Variants in UNC13C observed in about 807,000 individuals in gnomAD.
UNC13C encodes the protein unc-13 homolog C, also known as protein unc-13 homolog C.
Under a neutral mutation model 245.4 loss-of-function variants are expected in UNC13C, and 174 were observed. That is an observed-to-expected ratio of 0.71 (90% confidence interval 0.63 to 0.80). The LOEUF (loss-of-function observed/expected upper bound fraction) is 0.80, where lower values mean the gene tolerates loss of function less well. Ranked by LOEUF, UNC13C falls within the 30% of genes least tolerant of loss-of-function variation. The pLI is 0.00. For missense variants in UNC13C, 2,829 were observed against 2,602.9 expected (o/e 1.09, Z -1.89); for synonymous variants, 992 against 895.1 (o/e 1.11, Z -1.93).
chr15:54,582,345 C>T (rs1228942791), intron 30 of UNC13C, among the ~76,000 whole-genome samples: 2 of 152,046 alleles, frequency 1.3e-5, no homozygotes, highest in Admixed American at 6.6e-5. Context: ...GGCACAAATT[C>T]AGTTTTATTT....
chr15:54,621,298 C>T (rs117887261), intron 30 of UNC13C, among the ~76,000 whole-genome samples: 124 of 152,162 alleles, frequency 8.1e-4, no homozygotes, highest in African/African-American at 2.0e-3. Context: ...GAAATTAAAA[C>T]GCCACATAAC....
the UNC13C span, among the ~76,000 whole-genome samples, chr15:53,920,048 G>A: frequency 0.21 from 32,446 of 151,484 alleles, 4,591 homozygotes; most frequent in East Asian, 0.48. Flanking sequence ...TTTTGTCCTT[G>A]TTAGCCTAAT....
intron 2 of UNC13C, among the ~76,000 whole-genome samples, chr15:54,064,496 C>T (rs573426530): frequency 6.6e-6 from 1 of 152,324 alleles, no homozygotes; most frequent in East Asian, 1.9e-4. Context: ...TGCACAGTTT[C>T]ATTCAATATG....
chr15:53,901,802 A>C, the UNC13C span, among the ~76,000 whole-genome samples: 3 of 152,182 alleles, frequency 2.0e-5, no homozygotes, highest in African/African-American at 7.2e-5. Flanking sequence ...CACCCAAGAC[A>C]TTTGGATATT....
At chr15:53,870,744 TTATTTTACCAATA>T in the UNC13C span, among the ~76,000 whole-genome samples, 1 of 152,182 alleles carries the variant, frequency 6.6e-6, no homozygotes, top group Non-Finnish European at 1.5e-5. Flanking sequence ...ATCCTGATTT[TTATTTTACCAATA>T]AGTAAGCCAA....
At chr15:53,968,044 G>A in the UNC13C span, 1 of 152,086 alleles carries the variant, frequency 6.6e-6, no homozygotes, top group African/African-American at 2.4e-5. Flanking sequence ...GAATGTCTCT[G>A]ATGGTAAAGA....
Position 54,322,088 on chromosome 15 carries a change from A to C in UNC13C, c.4418A>C (p.Asn1473Thr). Reference sequence around the variant, plus strand: ...GCCTCAGATCGATTTGCTGCTACCAACTTTGGTGTAAGTATAATTTTTTAA... The same window carrying C: ...GCCTCAGATCGATTTGCTGCTACCACCTTTGGTGTAAGTATAATTTTTTAA... ...VSASDRFAAT[N>T]FGREKFIKLL... The change falls in exon 14 of 33, where the codon AAC becomes ACC. Residue 1473 changes from asparagine to threonine, a missense_variant. Asn to Thr is a moderately conservative substitution (Grantham distance 65, BLOSUM62 0). Coordinates refer to ENST00000260323, the MANE Select transcript of UNC13C (RefSeq NM_001080534.3). 6.4e-7 allele frequency: 1 copy of C among 1,566,874 alleles called. No homozygotes were observed. Among genetic ancestry groups the C allele is most frequent in the Non-Finnish European group, 8.6e-7 (1 of 1,157,058 alleles).
At chr15:54,563,075 T>C (rs1384333604) in intron 29 of UNC13C, among the ~76,000 whole-genome samples, 1 of 152,054 alleles carries the variant, frequency 6.6e-6, no homozygotes, top group African/African-American at 2.4e-5. Flanking sequence ...TATTCTGTAC[T>C]TTGTGGTAAA....
At chr15:54,019,207 G>A (rs538341970) in intron 2 of UNC13C, among the ~76,000 whole-genome samples, 24 of 152,274 alleles carry the variant, frequency 1.6e-4, no homozygotes, top group African/African-American at 5.8e-4. Context: ...ATAAGTGGTG[G>A]ATCCAGAATT....
intron 30 of UNC13C, among the ~76,000 whole-genome samples, chr15:54,619,979 C>T (rs978454784): frequency 2.6e-5 from 4 of 152,104 alleles, no homozygotes; most frequent in Non-Finnish European, 5.9e-5. Context: ...CAATGATAAT[C>T]AATACTTTCT....
intron 2 of UNC13C, among the ~76,000 whole-genome samples, chr15:54,102,292 C>A (rs1900205113): frequency 6.6e-6 from 1 of 152,016 alleles, no homozygotes; most frequent in African/African-American, 2.4e-5. Flanking sequence ...CACAGTCTAG[C>A]CTGAGAATGT....
intron 12 of UNC13C, among the ~76,000 whole-genome samples, chr15:54,298,309 G>A (rs1227540768): frequency 6.6e-6 from 1 of 152,188 alleles, no homozygotes; most frequent in Non-Finnish European, 1.5e-5. Flanking sequence ...TATTGCAGGA[G>A]AGGATCAAAT....
At chr15:54,300,912 A>G in intron 13 of UNC13C, among the ~76,000 whole-genome samples, 1 of 152,184 alleles carries the variant, frequency 6.6e-6, no homozygotes, top group Non-Finnish European at 1.5e-5. Flanking sequence ...AGTACTGCTA[A>G]TTCAGTAAAA....
intron 24 of UNC13C, among the ~76,000 whole-genome samples, chr15:54,520,888 G>A (rs1264910406): frequency 6.6e-6 from 1 of 152,134 alleles, no homozygotes; most frequent in Non-Finnish European, 1.5e-5. Context: ...TAAGCAGTCT[G>A]AAGATCAAAA....
chr15:54,477,520 C>G (rs796248589), intron 19 of UNC13C, among the ~76,000 whole-genome samples: 10,506 of 103,262 alleles, frequency 0.1, 1,665 homozygotes, highest in Non-Finnish European at 0.15. Context: ...TAGCATGAAG[C>G]GTTGTTGAAT....
intron 18 of UNC13C, among the ~76,000 whole-genome samples, chr15:54,402,077 A>C (rs965189511): frequency 6.6e-6 from 1 of 152,100 alleles, no homozygotes; most frequent in African/African-American, 2.4e-5. Context: ...AAAAAAAAAA[A>C]AAAATGCTTT....
At chr15:54,097,359 G>C (rs1375743864) in intron 2 of UNC13C, among the ~76,000 whole-genome samples, 1 of 152,042 alleles carries the variant, frequency 6.6e-6, no homozygotes, top group Non-Finnish European at 1.5e-5. Context: ...TTTTCTGACA[G>C]GAGATATGGA....
At chr15:53,849,746 C>T in the UNC13C span, among the ~76,000 whole-genome samples, 2 of 152,116 alleles carry the variant, frequency 1.3e-5, no homozygotes, top group Admixed American at 1.3e-4. Flanking sequence ...CATCAATTAT[C>T]ATGGAAGGGC....
At chr15:54,295,202 A>G (rs2037397557) in intron 11 of UNC13C, among the ~76,000 whole-genome samples, 1 of 152,206 alleles carries the variant, frequency 6.6e-6, no homozygotes, top group Non-Finnish European at 1.5e-5. Flanking sequence ...ATTTCAGGCC[A>G]TTAACTCTGT....
Sources: gnomAD v4.1 joint callset for allele counts (sites outside exome capture counted in the v4.1 genomes callset) on GRCh38, gnomAD v4.1.1 for gene constraint, MANE v1.5 for transcripts, NCBI Gene and HGNC (gene_info 2026-07-23, HGNC 2026-07-21) for gene names.